GPHN: variants seen among roughly 807,000 people sequenced by gnomAD.
GPHN encodes gephyrin.
Under a neutral mutation model 95.5 loss-of-function variants are expected in GPHN, and 17 were observed. That is an observed-to-expected ratio of 0.18 (90% CI 0.12 to 0.27). GPHN has a LOEUF of 0.27. GPHN is among the 10% of genes least tolerant of loss of function. GPHN has a pLI of 1.00. For missense variants in GPHN, 660 were observed against 978.1 expected, an observed-to-expected ratio of 0.67 and a Z score of 4.34; for synonymous variants, 320 against 322.5, an observed-to-expected ratio of 0.99 and a Z score of 0.08.
At chr14:67,259,200 A>G in the GPHN span, among the ~76,000 whole-genome samples, 1 of 151,410 alleles carries the variant, frequency 6.6e-6, no homozygotes, top group Non-Finnish European at 1.5e-5. Context: ...GTATGTATAT[A>G]TAACATATAC....
intron 9 of GPHN, among the ~76,000 whole-genome samples, chr14:67,000,046 A>G (rs1415453030): frequency 6.6e-6 from 1 of 151,818 alleles, no homozygotes; most frequent in Non-Finnish European, 1.5e-5. Flanking sequence ...TTTCCTGTTG[A>G]CTAGACAGGG....
chr14:66,865,026 A>C (rs1433850266), intron 4 of GPHN, among the ~76,000 whole-genome samples: 3 of 152,166 alleles, frequency 2.0e-5, no homozygotes, highest in Admixed American at 2.0e-4. Flanking sequence ...GACAAACTTC[A>C]CATGTTCTCA....
At chr14:67,106,908 C>T (rs986607732) in intron 13 of GPHN, among the ~76,000 whole-genome samples, 1 of 151,116 alleles carries the variant, frequency 6.6e-6, no homozygotes, top group Non-Finnish European at 1.5e-5. Flanking sequence ...TCTTGTGTCC[C>T]CATGTTGATC....
At chr14:67,504,821 G>T in the GPHN span, among the ~76,000 whole-genome samples, 2 of 152,142 alleles carry the variant, frequency 1.3e-5, no homozygotes, top group Non-Finnish European at 2.9e-5. Flanking sequence ...AGAGGCAGAG[G>T]TTGCAGGTGA....
At chr14:66,950,006 A>G (rs2067999735) in intron 8 of GPHN, among the ~76,000 whole-genome samples, 1 of 150,786 alleles carries the variant, frequency 6.6e-6, no homozygotes, top group African/African-American at 2.4e-5. Context: ...AAAAAAAAAA[A>G]AAAAAAAAAA....
chr14:67,097,815 C>T (rs983539872), intron 12 of GPHN, among the ~76,000 whole-genome samples: 1 of 151,780 alleles, frequency 6.6e-6, no homozygotes, highest in Non-Finnish European at 1.5e-5. Context: ...TAACCACACC[C>T]ATGGGAAGAA....
chr14:67,615,813 C>CA, the GPHN span: 1 of 575,270 alleles, frequency 1.7e-6, no homozygotes, highest in Non-Finnish European at 3.2e-6. Context: ...GCGTGTGGCC[C>CA]AAAAGTCAAA....
intron 2 of GPHN, among the ~76,000 whole-genome samples, 199 bp downstream of exon 2, chr14:66,681,384 T>G (rs1168937568): frequency 6.6e-6 from 1 of 152,160 alleles, no homozygotes; most frequent in East Asian, 1.9e-4. Context: ...TCATGATTAA[T>G]GATTGATTTT....
intron 1 of GPHN, among the ~76,000 whole-genome samples, chr14:66,547,487 A>G (rs190517168): frequency 6.6e-6 from 1 of 152,238 alleles, no homozygotes; most frequent in African/African-American, 2.4e-5. Context: ...AAATATAGTT[A>G]CACAGTGAAT....
intron 21 of GPHN, among the ~76,000 whole-genome samples, chr14:67,178,698 C>A (rs2083149290): frequency 1.3e-5 from 2 of 152,152 alleles, no homozygotes; most frequent in African/African-American, 2.4e-5. Flanking sequence ...CTTCCCAAAT[C>A]TGTTGAGAGA....
At chr14:66,698,457 CTT>C (rs536165010) in intron 2 of GPHN, among the ~76,000 whole-genome samples, 10 of 152,094 alleles carry the variant, frequency 6.6e-5, no homozygotes, top group Non-Finnish European at 1.3e-4. Context: ...TTGTCATACT[CTT>C]TTAAAAGTAG....
chr14:66,878,651 A>G (rs1021876526), intron 4 of GPHN, among the ~76,000 whole-genome samples: 1 of 152,200 alleles, frequency 6.6e-6, no homozygotes, highest in African/African-American at 2.4e-5. Flanking sequence ...ATGCAAGTCA[A>G]AAACCACAAT....
chr14:67,460,133 G>T, the GPHN span, among the ~76,000 whole-genome samples: 1 of 152,170 alleles, frequency 6.6e-6, no homozygotes, highest in African/African-American at 2.4e-5. Flanking sequence ...AAGAAAAGGT[G>T]ACCATGTAGT....
intron 8 of GPHN, among the ~76,000 whole-genome samples, chr14:66,928,546 CT>C (rs1432961613): frequency 6.6e-6 from 1 of 151,940 alleles, no homozygotes; most frequent in African/African-American, 2.4e-5. Flanking sequence ...ATCTTTATTT[CT>C]GTTCTTCTAC....
intron 1 of GPHN, among the ~76,000 whole-genome samples, chr14:66,582,911 G>A (rs1430823706): frequency 6.6e-6 from 1 of 152,106 alleles, no homozygotes; most frequent in African/African-American, 2.4e-5. Flanking sequence ...GTAACGGGAT[G>A]GCTGGGTCAA....
the GPHN span, chr14:67,393,004 G>A: frequency 1.2e-6 from 1 of 866,724 alleles, no homozygotes; most frequent in Non-Finnish European, 1.9e-6. Context: ...AGCCGTGGCT[G>A]CACACCCACA....
chr14:67,660,990 T>G, the GPHN span, among the ~76,000 whole-genome samples: 1 of 152,168 alleles, frequency 6.6e-6, no homozygotes, highest in African/African-American at 2.4e-5. Context: ...GGCCTGGTCT[T>G]TCTTAAAACA....
the GPHN span, among the ~76,000 whole-genome samples, chr14:67,684,195 T>C: frequency 1.3e-5 from 2 of 152,242 alleles, no homozygotes; most frequent in Non-Finnish European, 2.9e-5. Context: ...GCTGGCATTA[T>C]AGGCCTCTCA....
chr14:66,932,803 G>A (rs1477321559), intron 8 of GPHN, among the ~76,000 whole-genome samples: 1 of 151,986 alleles, frequency 6.6e-6, no homozygotes, highest in Non-Finnish European at 1.5e-5. Context: ...CCCAAGGCAA[G>A]TCTAGACATG....
Sources: allele counts gnomAD v4.1 joint callset (sites outside exome capture counted in the v4.1 genomes callset), GRCh38; gene constraint gnomAD v4.1.1; transcripts MANE v1.5; gene names NCBI Gene and HGNC (gene_info 2026-07-23, HGNC 2026-07-21).